WWC2: variants seen among roughly 807,000 people sequenced by gnomAD.
The protein encoded by WWC2 is protein WWC2.
A neutral mutation model predicts 138.5 loss-of-function variants in WWC2; 101 were observed. That is an observed-to-expected ratio of 0.73 (90% CI 0.62 to 0.86). The LOEUF (loss-of-function observed/expected upper bound fraction) is 0.86, where lower values mean the gene tolerates loss of function less well. Ranked by LOEUF, WWC2 falls within the 40% of genes least tolerant of loss-of-function variation. The probability of loss-of-function intolerance (pLI) is 0.00; values close to 1 mark genes in which losing one functional copy is unlikely to be tolerated. For synonymous variants in WWC2, 558 were observed against 538.4 expected (o/e 1.04, Z -0.50); for missense variants, 1,420 against 1,419.4 (o/e 1.00, Z -0.01).
In WWC2 at chr4:183,269,016, T is replaced by C; in HGVS notation, c.2253T>C (p.Cys751=). 1 of 1,613,948 alleles carries C rather than the reference T, an allele frequency of 6.2e-7. No individual in the cohort carries two copies. The highest frequency in any genetic ancestry group is 8.5e-7 in the Non-Finnish European group (1 of 1,179,872). Residue 751 remains cysteine (C), a synonymous_variant, in exon 15 of 23, where the codon TGT becomes TGC. Transcript: ENST00000403733. ...TTCCTTCCTCAACTGATGTCAGCTG[T>C]CTGTTTCGCACAAAAGTTCATCCGC... is the stretch of plus-strand genomic sequence containing the variant. ...AVLPSSTDVS[C]LFRTKVHPPT...
intron 4 of WWC2, among the ~76,000 whole-genome samples, chr4:183,229,836 A>G (rs1211761752): frequency 6.6e-6 from 1 of 151,930 alleles, no homozygotes; most frequent in Non-Finnish European, 1.5e-5. Context: ...TTTTGTTGTT[A>G]TTGTTTTGAG....
In WWC2 at chr4:183,262,103, C is replaced by A. The variant is rs150587866; in HGVS notation, c.1909+571C>A. ...CAGTTGCAGCCCCGGGAAGGGATTA[C>A]TAGAGATTGTAGTTCTTAGGCCTGC... On this transcript the variant is annotated intron_variant, in intron 11 of 22. Coordinates refer to ENST00000403733, the MANE Select transcript of WWC2 (RefSeq NM_024949.6). 2.9e-3 allele frequency among the ~76,000 whole-genome samples: 436 copies of A among 152,298 alleles called. 1 individual carries two copies. The highest frequency in any genetic ancestry group is 0.01 in the African/African-American group (420 of 41,554).
intron 1 of WWC2, among the ~76,000 whole-genome samples, chr4:183,138,786 G>T (rs532926850): frequency 2.0e-5 from 3 of 152,030 alleles, no homozygotes; most frequent in South Asian, 2.1e-4. Context: ...CAAGTTTTTT[G>T]TTTTTTTGTT....
At chr4:183,146,476 A>C (rs1321241080) in intron 1 of WWC2, among the ~76,000 whole-genome samples, 2 of 152,228 alleles carry the variant, frequency 1.3e-5, no homozygotes, top group Non-Finnish European at 2.9e-5. Flanking sequence ...TTGTTGGAAA[A>C]GCTTTGACAA....
intron 1 of WWC2, among the ~76,000 whole-genome samples, chr4:183,107,206 G>A (rs1317873704): frequency 1.3e-5 from 2 of 151,892 alleles, no homozygotes; most frequent in African/African-American, 2.4e-5. Flanking sequence ...TGCCCAGGCT[G>A]GAGTGCAGTG....
chr4:183,161,990 G>T (rs1733974209), intron 1 of WWC2, among the ~76,000 whole-genome samples: 1 of 152,212 alleles, frequency 6.6e-6, no homozygotes, highest in Non-Finnish European at 1.5e-5. Flanking sequence ...GGATGGAGAT[G>T]TCTCAGGGGA....
At chr4:183,133,296 A>T (rs1184208121) in intron 1 of WWC2, among the ~76,000 whole-genome samples, 1 of 151,678 alleles carries the variant, frequency 6.6e-6, no homozygotes, top group African/African-American at 2.4e-5. Flanking sequence ...CTGGGACTAT[A>T]GGAGCACACC....
chr4:183,174,598 A>T (rs1734402535), intron 1 of WWC2, among the ~76,000 whole-genome samples: 1 of 152,148 alleles, frequency 6.6e-6, no homozygotes, highest in African/African-American at 2.4e-5. Context: ...CATATATTAA[A>T]TCTGTGTAGT....
chr4:183,104,607 GT>G (rs1280853565), intron 1 of WWC2, among the ~76,000 whole-genome samples: 1 of 152,184 alleles, frequency 6.6e-6, no homozygotes, highest in Non-Finnish European at 1.5e-5. Context: ...TGGGTGCCAA[GT>G]GGTTACTGTG....
chr4:183,260,280 A>G (rs1737281948), intron 10 of WWC2, among the ~76,000 whole-genome samples: 1 of 152,202 alleles, frequency 6.6e-6, no homozygotes, highest in African/African-American at 2.4e-5. Context: ...GTCTATGCAA[A>G]TAAACTTATC....
intron 1 of WWC2, among the ~76,000 whole-genome samples, chr4:183,183,263 C>T (rs1230123993): frequency 3.3e-5 from 5 of 152,130 alleles, no homozygotes; most frequent in Admixed American, 1.3e-4. Flanking sequence ...GATGTCTTGC[C>T]GCACCTATCA....
Position 183,201,391 on chromosome 4 carries a change from G to A in WWC2, c.242-6562G>A, listed in dbSNP as rs188512888. ...GAGAAAGCTCAACTTTAGCCAGTGA[G>A]TGTGAGGCAAGAGCTCTAGGTCTAA... is the stretch of plus-strand genomic sequence containing the variant. On this transcript the variant is annotated intron_variant, in intron 2 of 22. Transcript: ENST00000403733. Among the ~76,000 whole-genome samples, 168 of 152,342 alleles carry A rather than the reference G, an allele frequency of 1.1e-3. 2 individuals carry two copies. The highest frequency in any genetic ancestry group is 3.9e-3 in the African/African-American group (161 of 41,584).
chr4:183,119,949 T>C (rs905553067), intron 1 of WWC2, among the ~76,000 whole-genome samples: 1 of 152,218 alleles, frequency 6.6e-6, no homozygotes. Context: ...CTTAAACAGT[T>C]CATTCACAGA....
At chr4:183,267,846 GC>G (rs1387203008) in intron 14 of WWC2, among the ~76,000 whole-genome samples, 4 of 152,120 alleles carry the variant, frequency 2.6e-5, no homozygotes, top group Non-Finnish European at 5.9e-5. Context: ...AAAAGCCTTG[GC>G]CTAAATAATG....
At chr4:183,252,820 G>A (rs1307215621) in intron 8 of WWC2, among the ~76,000 whole-genome samples, 1 of 152,162 alleles carries the variant, frequency 6.6e-6, no homozygotes, top group African/African-American at 2.4e-5. Context: ...AATGTGAACG[G>A]GAGAAGGCCA....
rs771480802 is a variant in WWC2 at position 183,099,636 on chromosome 4, G to C, written c.131+14G>C. ...CCCCCGGGACAGGTGGGCGCCGGCC[G>C]CGGGGGCGCGGGCCCGTTCGGACAC... On this transcript the variant is annotated intron_variant, in intron 1 of 22. Coordinates refer to ENST00000403733, the MANE Select transcript of WWC2 (RefSeq NM_024949.6). 3 of 1,318,882 alleles carry C rather than the reference G, an allele frequency of 2.3e-6. No individual in the cohort carries two copies. Among genetic ancestry groups the C allele is most frequent in the South Asian group, 1.9e-5 (1 of 51,282 alleles). The allele number at this position is 1,318,882 out of a possible 1,614,324, so 81.7% of individuals were successfully genotyped here. A position where few individuals can be genotyped will look rare whatever the true frequency, so the allele number is the denominator to read the frequency against.
At chr4:183,185,964 T>G (rs1341468830) in intron 1 of WWC2, among the ~76,000 whole-genome samples, 1 of 150,208 alleles carries the variant, frequency 6.7e-6, no homozygotes, top group Non-Finnish European at 1.5e-5. Context: ...TTTTTTTTTT[T>G]GGTGACGGAG....
chr4:183,131,406 T>C (rs1291550808), intron 1 of WWC2, among the ~76,000 whole-genome samples: 1 of 152,088 alleles, frequency 6.6e-6, no homozygotes, highest in African/African-American at 2.4e-5. Flanking sequence ...AATTAAATAC[T>C]TCTGTGGATG....
chr4:183,300,658 T>C (rs1738806138), intron 21 of WWC2, among the ~76,000 whole-genome samples: 1 of 152,046 alleles, frequency 6.6e-6, no homozygotes, highest in Non-Finnish European at 1.5e-5. Flanking sequence ...GATACAGATA[T>C]AAATATAAAA....
Sources: gnomAD v4.1 joint callset for allele counts (sites outside exome capture counted in the v4.1 genomes callset) on GRCh38, gnomAD v4.1.1 for gene constraint, MANE v1.5 for transcripts, NCBI Gene and HGNC (gene_info 2026-07-23, HGNC 2026-07-21) for gene names.